ZFPM2: variants seen among roughly 807,000 people sequenced by gnomAD.
ZFPM2 encodes zinc finger protein, FOG family member 2.
ZFPM2 carries 20 observed loss-of-function variants against 98.6 expected under a neutral mutation model. The observed-to-expected ratio is 0.20, with a 90% CI of 0.14 to 0.29. The LOEUF (loss-of-function observed/expected upper bound fraction) is 0.29, where lower values mean the gene tolerates loss of function less well. ZFPM2 is among the 10% of genes least tolerant of loss of function. The pLI, the probability that ZFPM2 is intolerant of heterozygous loss-of-function variation, is 1.00. For synonymous variants in ZFPM2, 518 were observed against 502.7 expected (o/e 1.03, Z -0.41); for missense variants, 1,310 against 1,388.6 (o/e 0.94, Z 0.90).
At position 105,803,197 on chromosome 8, in the gene ZFPM2, C is replaced by G; in HGVS notation, c.3115C>G (p.Arg1039Gly). The change falls in exon 8 of 8, where the codon CGA becomes GGA. Residue 1039 changes from arginine to glycine, a missense_variant. Coordinates refer to ENST00000407775, the MANE Select transcript of ZFPM2 (RefSeq NM_012082.4). ...TTCTCTGCCATTGTTGCCCAAAAATCGAGGAATGGTAATAGTGAATGGTGG... is the reference window on the plus strand; with the variant it reads ...TTCTCTGCCATTGTTGCCCAAAAATGGAGGAATGGTAATAGTGAATGGTGG... ...KDSLPLLPKNRGMVIVNGGLK... is the reference protein window; with the variant it reads ...KDSLPLLPKNGGMVIVNGGLK... The G allele has an allele frequency of 6.2e-7, 1 of 1,613,670 alleles. No homozygotes were observed. The highest frequency in any genetic ancestry group is 8.5e-7 in the Non-Finnish European group (1 of 1,179,744).
chr8:105,699,832 T>G (rs1345685979), intron 5 of ZFPM2, among the ~76,000 whole-genome samples: 15 of 152,178 alleles, frequency 9.9e-5, no homozygotes, highest in Non-Finnish European at 1.2e-4. Context: ...ACACTCAACA[T>G]TCAACGAATA....
intron 5 of ZFPM2, among the ~76,000 whole-genome samples, chr8:105,723,191 T>C (rs2130999484): frequency 6.6e-6 from 1 of 152,004 alleles, no homozygotes; most frequent in Non-Finnish European, 1.5e-5. Context: ...TCTTTCATGA[T>C]ATTCTTGATT....
chr8:105,483,982 C>G (rs1160428660), intron 3 of ZFPM2, among the ~76,000 whole-genome samples: 1 of 152,032 alleles, frequency 6.6e-6, no homozygotes, highest in Non-Finnish European at 1.5e-5. Flanking sequence ...GATCCGCCCA[C>G]CTCAGCCTCC....
chr8:105,389,222 A>C (rs1425021013), intron 1 of ZFPM2, among the ~76,000 whole-genome samples: 1 of 152,118 alleles, frequency 6.6e-6, no homozygotes, highest in Non-Finnish European at 1.5e-5. Flanking sequence ...AAACAGATGG[A>C]TGTTGGAATC....
At chr8:105,473,290 A>G (rs1812944696) in intron 3 of ZFPM2, among the ~76,000 whole-genome samples, 1 of 152,184 alleles carries the variant, frequency 6.6e-6, no homozygotes, top group Admixed American at 6.5e-5. Flanking sequence ...CCTCATGCCA[A>G]CAGTAGTTTA....
chr8:105,456,742 G>T (rs764780812), intron 3 of ZFPM2, among the ~76,000 whole-genome samples: 1 of 151,956 alleles, frequency 6.6e-6, no homozygotes, highest in Non-Finnish European at 1.5e-5. Flanking sequence ...GCATGATCTC[G>T]GCTCACTGCA....
chr8:105,780,416 TAAAG>T (rs1236737669), intron 5 of ZFPM2: 1 of 152,200 alleles, frequency 6.6e-6, no homozygotes, highest in African/African-American at 2.4e-5. Flanking sequence ...TTCAAAATAA[TAAAG>T]AATTAAACAT....
At chr8:105,628,716 G>A (rs144003715) in intron 4 of ZFPM2, among the ~76,000 whole-genome samples, 2,383 of 151,944 alleles carry the variant, frequency 0.016, 27 homozygotes, top group Middle Eastern at 0.031. Flanking sequence ...TACCCACCCC[G>A]TCCCCTTTTC....
intron 5 of ZFPM2, among the ~76,000 whole-genome samples, chr8:105,709,508 G>T (rs1002835103): frequency 2.6e-5 from 4 of 152,064 alleles, no homozygotes; most frequent in African/African-American, 9.7e-5. Context: ...CAGGCTTCCA[G>T]ATTACACAGC....
chr8:105,390,936 A>C (rs1193159430), intron 1 of ZFPM2, among the ~76,000 whole-genome samples: 1 of 152,200 alleles, frequency 6.6e-6, no homozygotes, highest in East Asian at 1.9e-4. Context: ...GATATTGATG[A>C]AACACATGAA....
chr8:105,458,724 TAAAAG>T (rs575730599), intron 3 of ZFPM2, among the ~76,000 whole-genome samples: 78 of 152,208 alleles, frequency 5.1e-4, no homozygotes, highest in Non-Finnish European at 7.9e-4. Context: ...TAAAACCAAT[TAAAAG>T]AAAAGCAAGC....
intron 4 of ZFPM2, among the ~76,000 whole-genome samples, chr8:105,630,533 A>G (rs1274771699): frequency 6.6e-6 from 1 of 152,074 alleles, no homozygotes; most frequent in Non-Finnish European, 1.5e-5. Flanking sequence ...CTTCTGCCTT[A>G]TTGATTTGGA....
chr8:105,539,201 A>G (rs1404588599), intron 3 of ZFPM2, among the ~76,000 whole-genome samples: 2 of 152,144 alleles, frequency 1.3e-5, no homozygotes, highest in Non-Finnish European at 2.9e-5. Flanking sequence ...CTCACCATCA[A>G]CATGTATGGC....
chr8:105,715,408 GAA>G (rs201460894), intron 5 of ZFPM2, among the ~76,000 whole-genome samples: 36,513 of 109,202 alleles, frequency 0.33, 4,813 homozygotes, highest in African/African-American at 0.41. Context: ...CCCATCTCTT[GAA>G]AAAAAAAAAA....
intron 5 of ZFPM2, among the ~76,000 whole-genome samples, chr8:105,722,929 A>G (rs1811703025): frequency 6.6e-6 from 1 of 151,886 alleles, no homozygotes; most frequent in Admixed American, 6.6e-5. Flanking sequence ...CCAGTATCAT[A>G]TGAGTCCATG....
chr8:105,695,378 A>ATTTTTTTTTTTTTTTTTTTTTTTTTTTTT (rs1165726984), intron 5 of ZFPM2, among the ~76,000 whole-genome samples: 1 of 74,842 alleles, frequency 1.3e-5, no homozygotes, highest in Non-Finnish European at 2.5e-5. Flanking sequence ...AATGGTTTGT[A>ATTTTTTTTTTTTTTTTTTTTTTTTTTTTT]TTTTTTTTTT....
At chr8:105,554,962 G>C (rs1814951572) in intron 3 of ZFPM2, among the ~76,000 whole-genome samples, 1 of 151,876 alleles carries the variant, frequency 6.6e-6, no homozygotes, top group Non-Finnish European at 1.5e-5. Flanking sequence ...AATATTTGAG[G>C]GTGTCTCTGG....
intron 3 of ZFPM2, among the ~76,000 whole-genome samples, chr8:105,500,229 C>T (rs1431500937): frequency 6.6e-6 from 1 of 152,046 alleles, no homozygotes; most frequent in Non-Finnish European, 1.5e-5. Flanking sequence ...TATTATTTAT[C>T]CTACTGACTA....
chr8:105,441,105 A>T (rs890345841), intron 2 of ZFPM2, among the ~76,000 whole-genome samples: 1 of 152,120 alleles, frequency 6.6e-6, no homozygotes, highest in African/African-American at 2.4e-5. Context: ...CAGTGAGCCG[A>T]GATCGCACCA....
Sources: allele counts gnomAD v4.1 joint callset (sites outside exome capture counted in the v4.1 genomes callset), GRCh38; gene constraint gnomAD v4.1.1; transcripts MANE v1.5; gene names NCBI Gene and HGNC (gene_info 2026-07-23, HGNC 2026-07-21).